Variants in CMIP observed in about 807,000 individuals in gnomAD.
The protein encoded by CMIP is c-Maf inducing protein.
Under a neutral mutation model 97.3 loss-of-function variants are expected in CMIP, and 13 were observed. The ratio of observed to expected loss-of-function variants is 0.13; its 90% CI spans 0.09 to 0.21. CMIP has a LOEUF of 0.21. Among genes scored for constraint, CMIP ranks in the 10% least tolerant of loss-of-function variants. The pLI, the probability that CMIP is intolerant of heterozygous loss-of-function variation, is 1.00. For synonymous variants in CMIP, 538 were observed against 436.3 expected (o/e 1.23, Z -2.91); for missense variants, 847 against 1,024.9 (o/e 0.83, Z 2.37).
intron 10 of CMIP, among the ~76,000 whole-genome samples, chr16:81,685,442 C>G (rs1001549890): frequency 2.0e-5 from 3 of 152,160 alleles, no homozygotes; most frequent in Non-Finnish European, 4.4e-5. Flanking sequence ...CCGTGGGGAC[C>G]CTGATTCCTC....
intron 9 of CMIP, among the ~76,000 whole-genome samples, chr16:81,676,625 G>A (rs1371539470): frequency 2.0e-5 from 3 of 152,130 alleles, no homozygotes; most frequent in African/African-American, 2.4e-5. Flanking sequence ...TAGAATTCTC[G>A]GACTTTAGCC....
intron 1 of CMIP, among the ~76,000 whole-genome samples, chr16:81,527,054 T>A (rs918608766): frequency 4.0e-4 from 61 of 152,224 alleles, no homozygotes; most frequent in African/African-American, 1.4e-3. Context: ...ATGGTGCAGT[T>A]CAGACAACAC....
intron 2 of CMIP, among the ~76,000 whole-genome samples, chr16:81,612,035 G>T (rs9921473): frequency 0.021 from 3,150 of 152,300 alleles, 109 homozygotes; most frequent in African/African-American, 0.072. Context: ...GAAAGGGCCT[G>T]TTTATCCCAT....
chr16:81,604,694 C>T lies in CMIP; in HGVS notation c.301-2873C>T, dbSNP rs189828762. Among the ~76,000 whole-genome samples the T allele has an allele frequency of 7.9e-5, 12 of 152,156 alleles. No individual in the cohort carries two copies. The East Asian group carries it at 1.5e-3, about 20-fold the overall frequency. On this transcript the variant is annotated intron_variant, in intron 1 of 20. Coordinates refer to ENST00000537098, the MANE Select transcript of CMIP (RefSeq NM_198390.3). ...CAGCCTGGGCGACAGAGCAAGACTCCGTCTCAAACAAAACAAAACAAAAAA... is the reference window on the plus strand; with the variant it reads ...CAGCCTGGGCGACAGAGCAAGACTCTGTCTCAAACAAAACAAAACAAAAAA...
chr16:81,589,035 A>G (rs1482428970), intron 1 of CMIP, among the ~76,000 whole-genome samples: 1 of 152,002 alleles, frequency 6.6e-6, no homozygotes, highest in African/African-American at 2.4e-5. Context: ...ATGAAAGGCC[A>G]TAAACATATT....
chr16:81,548,018 C>G (rs1007137790), intron 1 of CMIP, among the ~76,000 whole-genome samples: 1 of 152,284 alleles, frequency 6.6e-6, no homozygotes, highest in African/African-American at 2.4e-5. Flanking sequence ...GGAACAATTT[C>G]CAGATCATTA....
chr16:81,678,474 G>T lies in CMIP; in HGVS notation c.1234G>T (p.Ala412Ser). The T allele has an allele frequency of 1.3e-6, 2 of 1,592,864 alleles. No individual in the cohort carries two copies. The highest frequency in any genetic ancestry group is 1.7e-6 in the Non-Finnish European group (2 of 1,170,672). The change falls in exon 10 of 21, where the codon GCC (alanine) becomes TCC (serine). Residue 412 changes from alanine to serine, a missense_variant. This residue lies in a region of CMIP where 202 missense variants were observed against 168.7 expected (regional missense o/e 1.20). Coordinates refer to ENST00000537098, the MANE Select transcript of CMIP (RefSeq NM_198390.3). Reference protein sequence around the residue: ...IHVEVERTSTAKPALTASAGN... With the variant: ...IHVEVERTSTSKPALTASAGN... Reference sequence around the variant, plus strand: ...CGTGGAGGTGGAACGCACCAGCACTGCCAAGCCGGCGCTGACGGCCAGCGC... The same window carrying T: ...CGTGGAGGTGGAACGCACCAGCACTTCCAAGCCGGCGCTGACGGCCAGCGC...
chr16:81,450,987 C>T (rs935222852), intron 1 of CMIP, among the ~76,000 whole-genome samples: 4 of 152,318 alleles, frequency 2.6e-5, no homozygotes, highest in Admixed American at 2.0e-4. Flanking sequence ...ACCCTCCATG[C>T]GTGTGCAGCT....
chr16:81,517,106 G>C (rs182443580), intron 1 of CMIP, among the ~76,000 whole-genome samples: 1 of 151,570 alleles, frequency 6.6e-6, no homozygotes, highest in East Asian at 1.9e-4. Flanking sequence ...AAAACCAGAC[G>C]GCCTCCAAGG....
intron 18 of CMIP, among the ~76,000 whole-genome samples, chr16:81,704,363 T>C (rs1191920328): frequency 3.9e-4 from 1 of 2,570 alleles, no homozygotes; most frequent in Non-Finnish European, 6.9e-4. Context: ...CTGCCCCCCT[T>C]ACTCTCCTCC....
intron 3 of CMIP, among the ~76,000 whole-genome samples, chr16:81,646,716 G>C (rs946795875): frequency 6.6e-6 from 1 of 152,176 alleles, no homozygotes; most frequent in African/African-American, 2.4e-5. Flanking sequence ...TTTCACATAA[G>C]AGAAATCATA....
rs8044418 is a variant in CMIP, at chr16:81,670,428, C to G, written c.929+183C>G. On this transcript the variant is annotated intron_variant, in intron 8 of 20. Transcript: ENST00000537098. ...GACACACTGGACCTCAGCAACACTGCTGTTTCCTCAGGTCCCACGACCCCT... is the reference window on the plus strand; with the variant it reads ...GACACACTGGACCTCAGCAACACTGGTGTTTCCTCAGGTCCCACGACCCCT... 0.48 allele frequency among the ~76,000 whole-genome samples: 72,527 copies of G among 151,810 alleles called. 17,771 individuals are homozygous for G. Among genetic ancestry groups the G allele is most frequent in the South Asian group, 0.64 (3,065 of 4,804 alleles).
chr16:81,567,160 AGCCATGTGTCCGG>A (rs1342733297), intron 1 of CMIP, among the ~76,000 whole-genome samples: 1 of 152,214 alleles, frequency 6.6e-6, no homozygotes, highest in Non-Finnish European at 1.5e-5. Flanking sequence ...GGGTCTTCGG[AGCCATGTGTCCGG>A]CTGGGAGGAA....
At chr16:81,661,040 C>A in intron 6 of CMIP, 94 bp downstream of exon 6, 1 of 1,487,828 alleles carries the variant, frequency 6.7e-7, no homozygotes, top group East Asian at 2.3e-5. Flanking sequence ...GGCCAAAAAC[C>A]TGGGCCCCAC....
At chr16:81,547,097 C>G (rs903319609) in intron 1 of CMIP, among the ~76,000 whole-genome samples, 1 of 152,078 alleles carries the variant, frequency 6.6e-6, no homozygotes, top group African/African-American at 2.4e-5. Flanking sequence ...GATGGCCGAG[C>G]CATGCCTGGG....
intron 3 of CMIP, among the ~76,000 whole-genome samples, chr16:81,629,821 C>G (rs2092129556): frequency 6.6e-6 from 1 of 152,236 alleles, no homozygotes; most frequent in Non-Finnish European, 1.5e-5. Context: ...TTACCAAAGG[C>G]CTCTGCTGTG....
At chr16:81,701,622 A>T (rs761463216) in intron 15 of CMIP, 38 bp from the exon 16 acceptor site, 1 of 1,613,488 alleles carries the variant, frequency 6.2e-7, no homozygotes, top group Non-Finnish European at 8.5e-7. Flanking sequence ...CTAGGGTGGC[A>T]GGCCGGGTCC....
intron 1 of CMIP, among the ~76,000 whole-genome samples, chr16:81,574,312 C>A (rs1305272804): frequency 9.5e-6 from 1 of 105,726 alleles, no homozygotes; most frequent in Non-Finnish European, 2.2e-5. Flanking sequence ...CCTCTCAGCC[C>A]TTCTGGGGCT....
At chr16:81,491,535 G>A (rs994494838) in intron 1 of CMIP, among the ~76,000 whole-genome samples, 2 of 152,162 alleles carry the variant, frequency 1.3e-5, no homozygotes, top group Non-Finnish European at 2.9e-5. Flanking sequence ...GTGGAACATG[G>A]AAGATAATTT....
Sources: allele counts gnomAD v4.1 joint callset (sites outside exome capture counted in the v4.1 genomes callset), GRCh38; gene constraint gnomAD v4.1.1; regional missense constraint gnomAD v4.1.1; transcripts MANE v1.5; gene names NCBI Gene and HGNC (gene_info 2026-07-23, HGNC 2026-07-21).